Variants in DDIAS observed in about 807,000 individuals in gnomAD.
The protein encoded by DDIAS is DNA damage induced apoptosis suppressor.
In DDIAS, 14 loss-of-function variants were observed where a neutral mutation model predicts 15.7. The ratio of observed to expected loss-of-function variants is 0.89; its 90% CI spans 0.59 to 1.39. DDIAS has a LOEUF of 1.39. Ranked by LOEUF, DDIAS falls within the 40% of genes most tolerant of loss-of-function variation. The pLI, the probability that DDIAS is intolerant of heterozygous loss-of-function variation, is 0.00. For missense variants in DDIAS, 1,035 were observed against 1,130.9 expected (o/e 0.92, Z 1.22); for synonymous variants, 355 against 395.9 (o/e 0.90, Z 1.23).
At chr11:82,913,659 A>G (rs1412692826) in intron 2 of DDIAS, 3 of 425,940 alleles carry the variant, frequency 7.0e-6, no homozygotes, top group African/African-American at 6.3e-5. Flanking sequence ...TTCAAGATGT[A>G]TCAAATGAGC....
Position 82,932,810 on chromosome 11 carries a change from G to T in DDIAS, c.1472G>T (p.Ser491Ile). 1 of 1,613,628 alleles carries T rather than the reference G, an allele frequency of 6.2e-7. No homozygotes were observed. Among genetic ancestry groups the T allele is most frequent in the Non-Finnish European group, 8.5e-7 (1 of 1,180,020 alleles). The change falls in exon 6 of 6, where the codon AGC (serine) becomes ATC (isoleucine). Residue 491 changes from serine to isoleucine, a missense_variant. Transcript: ENST00000533655. ...SSQVIVKANC[S>I]KDDFLFNCKG... ...CAAGTAATAGTCAAAGCAAACTGTA[G>T]CAAAGATGACTTCCTTTTCAACTGT...
At chr11:82,922,983 G>C (rs914336691) in intron 3 of DDIAS, among the ~76,000 whole-genome samples, 1 of 152,214 alleles carries the variant, frequency 6.6e-6, no homozygotes, top group Non-Finnish European at 1.5e-5. Context: ...CATCCAGCCA[G>C]TCTGTCTGGC....
intron 3 of DDIAS, among the ~76,000 whole-genome samples, chr11:82,920,416 G>T (rs1428281983): frequency 6.6e-6 from 1 of 151,996 alleles, no homozygotes; most frequent in Non-Finnish European, 1.5e-5. Flanking sequence ...CTTCTGCTGG[G>T]TTTCGGTTTG....
At chr11:82,922,760 C>T (rs1027523228) in intron 3 of DDIAS, 2 of 152,086 alleles carry the variant, frequency 1.3e-5, no homozygotes, top group South Asian at 2.1e-4. Context: ...GTTAAAGAGC[C>T]TTGTTTTGTC....
At chr11:82,928,316 A>C (rs1860911399) in intron 3 of DDIAS, among the ~76,000 whole-genome samples, 1 of 148,394 alleles carries the variant, frequency 6.7e-6, no homozygotes, top group Non-Finnish European at 1.5e-5. Flanking sequence ...CTGCTGCCTC[A>C]GCCTCCCAAG....
chr11:82,920,499 A>C (rs1860723442), intron 3 of DDIAS, among the ~76,000 whole-genome samples: 1 of 151,910 alleles, frequency 6.6e-6, no homozygotes. Flanking sequence ...AGTCTTTTTG[A>C]TGTAGGCATT....
chr11:82,926,773 C>T (rs1206700479), intron 3 of DDIAS, among the ~76,000 whole-genome samples: 2 of 152,130 alleles, frequency 1.3e-5, no homozygotes, highest in African/African-American at 4.8e-5. Flanking sequence ...TATTACACCA[C>T]ACTAACATTT....
intron 1 of DDIAS, among the ~76,000 whole-genome samples, chr11:82,904,330 C>T (rs1203426673): frequency 2.0e-5 from 3 of 151,932 alleles, no homozygotes; most frequent in Non-Finnish European, 2.9e-5. Flanking sequence ...CTAGTCTAGC[C>T]GGAAGAAGAA....
chr11:82,931,701 TCTTA>T (rs1460042052), intron 5 of DDIAS, 27 bp from the exon 6 acceptor site: 4 of 1,533,850 alleles, frequency 2.6e-6, no homozygotes, highest in Non-Finnish European at 3.5e-6. Context: ...ACAATTTTAT[TCTTA>T]CTTAAATTTC....
At chr11:82,904,210 C>T (rs1860382285) in intron 1 of DDIAS, among the ~76,000 whole-genome samples, 2 of 152,314 alleles carry the variant, frequency 1.3e-5, no homozygotes, top group South Asian at 4.1e-4. Flanking sequence ...TCAGCCCCAT[C>T]CCCAGATGCC....
chr11:82,902,747 CAG>C (rs1461494989), intron 1 of DDIAS, among the ~76,000 whole-genome samples: 1 of 152,186 alleles, frequency 6.6e-6, no homozygotes, highest in Non-Finnish European at 1.5e-5. Context: ...CCTTTTAAAT[CAG>C]AAACCCTTTC....
intron 3 of DDIAS, among the ~76,000 whole-genome samples, chr11:82,918,333 G>T (rs1300472279): frequency 6.6e-6 from 1 of 152,166 alleles, no homozygotes; most frequent in East Asian, 1.9e-4. Flanking sequence ...ACCATTTGTT[G>T]AAAAGGGTGT....
At chr11:82,924,233 T>G (rs4943868) in intron 3 of DDIAS, among the ~76,000 whole-genome samples, 14 of 152,334 alleles carry the variant, frequency 9.2e-5, no homozygotes, top group Non-Finnish European at 1.5e-4. Context: ...TATGTCTCAT[T>G]ACTTTGTGTG....
At chr11:82,929,103 A>AT (rs1161300523) in intron 4 of DDIAS, among the ~76,000 whole-genome samples, 165 bp downstream of exon 4, 1 of 152,252 alleles carries the variant, frequency 6.6e-6, no homozygotes, top group Non-Finnish European at 1.5e-5. Flanking sequence ...CTGAATACAT[A>AT]TTATGATGAT....
At chr11:82,916,714 C>T (rs1156482783) in intron 3 of DDIAS, among the ~76,000 whole-genome samples, 1 of 152,116 alleles carries the variant, frequency 6.6e-6, no homozygotes, top group African/African-American at 2.4e-5. Flanking sequence ...AGGCACTGTG[C>T]TAGGAACTTT....
Position 82,928,841 on chromosome 11 carries a change from T to C in DDIAS, c.178T>C (p.Ser60Pro). The change falls in exon 4 of 6, where the codon TCC becomes CCC. Residue 60 changes from serine (S) to proline (P), a missense_variant. By Grantham distance (74) the Ser-to-Pro change is moderately conservative (BLOSUM62 -1). Transcript: ENST00000533655. ...AAATGCCAATTACAGATACAAACTT[T>C]CCTTAAAAGTTGCAGAATCAAACAA... Reference protein sequence around the residue: ...SGNANYRYKLSLKVAESNKLF... With the variant: ...SGNANYRYKLPLKVAESNKLF... 1.9e-6 allele frequency: 3 copies of C among 1,613,316 alleles called. No individual in the cohort carries two copies. Among genetic ancestry groups the C allele is most frequent in the Non-Finnish European group, 1.7e-6 (2 of 1,179,758 alleles).
chr11:82,926,004 T>C (rs1360321509), intron 3 of DDIAS, among the ~76,000 whole-genome samples: 3 of 151,778 alleles, frequency 2.0e-5, no homozygotes, highest in African/African-American at 7.2e-5. Flanking sequence ...AAAAAAATTT[T>C]GACTATGGTA....
intron 3 of DDIAS, among the ~76,000 whole-genome samples, chr11:82,926,567 G>A (rs760751056): frequency 3.9e-5 from 6 of 152,102 alleles, no homozygotes; most frequent in Admixed American, 2.0e-4. Context: ...AAATCGGGAC[G>A]GTGATGTGAA....
At chr11:82,905,112 C>T (rs1391401668) in intron 1 of DDIAS, among the ~76,000 whole-genome samples, 2 of 152,142 alleles carry the variant, frequency 1.3e-5, no homozygotes, top group East Asian at 3.8e-4. Flanking sequence ...ATAGTGTGTC[C>T]ACATGGACCC....
Sources: gnomAD v4.1 joint callset for allele counts (sites outside exome capture counted in the v4.1 genomes callset) on GRCh38, gnomAD v4.1.1 for gene constraint, MANE v1.5 for transcripts, NCBI Gene and HGNC (gene_info 2026-07-23, HGNC 2026-07-21) for gene names.